ENTPD4: variants seen among roughly 807,000 people sequenced by gnomAD.
ENTPD4 encodes ectonucleoside triphosphate diphosphohydrolase 4, also known as Golgi UDPase.
A neutral mutation model predicts 79.1 loss-of-function variants in ENTPD4; 60 were observed. The ratio of observed to expected loss-of-function variants is 0.76; its 90% CI spans 0.62 to 0.94. The LOEUF (loss-of-function observed/expected upper bound fraction) is 0.94, where lower values mean the gene tolerates loss of function less well. Ranked by LOEUF, ENTPD4 falls within the 40% of genes least tolerant of loss-of-function variation. The pLI is 0.00. For missense variants in ENTPD4, 772 were observed against 775.1 expected, an observed-to-expected ratio of 1.00 and a Z score of 0.05; for synonymous variants, 276 against 292.0, an observed-to-expected ratio of 0.95 and a Z score of 0.56.
In ENTPD4 at chr8:23,452,549, C is replaced by T. The variant is rs376987884; in HGVS notation, c.-97-2552G>A. Among the ~76,000 whole-genome samples the T allele has an allele frequency of 3.0e-4, 45 of 152,286 alleles. No homozygotes were observed. The South Asian group carries it at 3.1e-3, about 11-fold the overall frequency. ...TTGAGTTCCTCAGTTGTACTAGCCA[C>T]CTTTGAAGTGCTTAATAGCCACATA... On this transcript the variant is annotated intron_variant, in intron 1 of 12. Coordinates refer to ENST00000358689, the MANE Select transcript of ENTPD4 (RefSeq NM_004901.5).
chr8:23,449,618 G>A (rs1800823910), intron 2 of ENTPD4, among the ~76,000 whole-genome samples: 2 of 152,186 alleles, frequency 1.3e-5, no homozygotes, highest in Non-Finnish European at 2.9e-5. Flanking sequence ...TGTCAAGAAT[G>A]AGAGGCTCAT....
rs2117268181 is a variant in ENTPD4 at position 23,430,439 on chromosome 8, T to C, written c.*2487A>G. 1 of 985,470 alleles carries C rather than the reference T, an allele frequency of 1.0e-6. No individual in the cohort carries two copies. The highest frequency in any genetic ancestry group is 1.7e-5 in the African/African-American group (1 of 57,376). The allele number at this position is 985,470 out of a possible 1,614,324, so 61.0% of individuals were successfully genotyped here. A position where few individuals can be genotyped will look rare whatever the true frequency, so the allele number is the denominator to read the frequency against. ...TTCGTGCCCACAAATGGAAACTACATTCCTGATTTAAGAGGATGCTTCTGT... is the reference window on the plus strand; with the variant it reads ...TTCGTGCCCACAAATGGAAACTACACTCCTGATTTAAGAGGATGCTTCTGT... On this transcript the variant is annotated 3_prime_UTR_variant, in exon 13 of 13. Coordinates refer to ENST00000358689, the MANE Select transcript of ENTPD4 (RefSeq NM_004901.5).
chr8:23,447,229 G>A (rs1800778044), intron 4 of ENTPD4, among the ~76,000 whole-genome samples: 1 of 152,112 alleles, frequency 6.6e-6, no homozygotes, highest in Admixed American at 6.5e-5. Flanking sequence ...TAAGTTCTGT[G>A]GTCACACTCA....
rs1306180097 is a variant in ENTPD4, at chr8:23,431,215, G to T, written c.*1711C>A. 1 of 516,628 alleles carries T rather than the reference G, an allele frequency of 1.9e-6. No homozygotes were observed. The highest frequency in any genetic ancestry group is 2.5e-6 in the Non-Finnish European group (1 of 402,546). 32.0% of individuals were successfully genotyped at this position (516,628 alleles called of 1,614,324 possible). On this transcript the variant is annotated 3_prime_UTR_variant, in exon 13 of 13. Coordinates refer to ENST00000358689, the MANE Select transcript of ENTPD4 (RefSeq NM_004901.5). ...TGGCAATACAGGCCTTTTCTCTCCTGTTTCTCCAAACTCTCCCAGCCTCTG... is the reference window on the plus strand; with the variant it reads ...TGGCAATACAGGCCTTTTCTCTCCTTTTTCTCCAAACTCTCCCAGCCTCTG...
chr8:23,435,316 G>C (rs1040353648), intron 11 of ENTPD4, 76 bp downstream of exon 11: 4 of 979,972 alleles, frequency 4.1e-6, no homozygotes. Flanking sequence ...CTGAGGCCAG[G>C]GTGTGGCAAG....
intron 10 of ENTPD4, among the ~76,000 whole-genome samples, chr8:23,436,133 A>G (rs1800554811): frequency 6.6e-6 from 1 of 152,212 alleles, no homozygotes; most frequent in Non-Finnish European, 1.5e-5. Flanking sequence ...CTTCAGGAAC[A>G]TGGACATGGA....
intron 1 of ENTPD4, 118 bp from the exon 2 acceptor site, chr8:23,450,115 G>C (rs1424366832): frequency 3.3e-6 from 2 of 597,862 alleles, no homozygotes; most frequent in East Asian, 5.7e-5. Context: ...TTGCACTGAA[G>C]CTGTTGGAAG....
intron 8 of ENTPD4, among the ~76,000 whole-genome samples, chr8:23,440,893 C>T (rs950412243): frequency 6.6e-6 from 1 of 152,216 alleles, no homozygotes; most frequent in African/African-American, 2.4e-5. Flanking sequence ...TGTCTAGCTC[C>T]ACGGTCTCAC....
chr8:23,435,476 T>C lies in ENTPD4; in HGVS notation c.1376A>G (p.Asp459Gly). Residue 459 changes from aspartate (D) to glycine (G), a missense_variant and splice_region_variant, in exon 11 of 13, where the codon GAT becomes GGT. Coordinates refer to ENST00000358689, the MANE Select transcript of ENTPD4 (RefSeq NM_004901.5). ...AATGGACCACTTTGTTGCACAATAA[T>C]CCTGAAAACAAATTCACCAAAATAG... is the stretch of plus-strand genomic sequence containing the variant. Reference protein sequence around the residue: ...NAAKFTKAAKDYCATKWSILR... With the variant: ...NAAKFTKAAKGYCATKWSILR... The C allele has an allele frequency of 1.9e-6, 3 of 1,612,762 alleles. No homozygotes were observed. The highest frequency in any genetic ancestry group is 2.5e-6 in the Non-Finnish European group (3 of 1,178,780).
chr8:23,442,300 C>T (rs1378305473), intron 6 of ENTPD4, among the ~76,000 whole-genome samples: 2 of 152,164 alleles, frequency 1.3e-5, no homozygotes, highest in Non-Finnish European at 2.9e-5. Flanking sequence ...ATACAATACG[C>T]TAGGTGCCAG....
chr8:23,446,007 G>GTGA (rs1491071582), intron 4 of ENTPD4, among the ~76,000 whole-genome samples: 1 of 151,796 alleles, frequency 6.6e-6, no homozygotes, highest in Non-Finnish European at 1.5e-5. Flanking sequence ...TGACTAAACT[G>GTGA]TAAGTTTTTG....
chr8:23,453,644 C>G (rs1173818339), intron 1 of ENTPD4, among the ~76,000 whole-genome samples: 1 of 152,112 alleles, frequency 6.6e-6, no homozygotes, highest in East Asian at 1.9e-4. Flanking sequence ...ACTTGGCTAA[C>G]AGGGGAAGGG....
rs140286528 is a variant in ENTPD4, at chr8:23,442,594, A to T, written c.668-528T>A. ...GCTATTCGGGAAGCTGAGGCAGGAG[A>T]ATCACTTCAACCCGGGAGGTGGAGG... On this transcript the variant is annotated intron_variant, in intron 6 of 12. Coordinates refer to ENST00000358689, the MANE Select transcript of ENTPD4 (RefSeq NM_004901.5). 4.7e-4 allele frequency among the ~76,000 whole-genome samples: 72 copies of T among 152,222 alleles called. No individual in the cohort carries two copies. The East Asian group carries it at 0.014, about 29-fold the overall frequency.
intron 11 of ENTPD4, 88 bp from the exon 12 acceptor site, chr8:23,434,566 G>C (rs73671456): frequency 0.039 from 60,740 of 1,559,426 alleles, 1,611 homozygotes; most frequent in African/African-American, 0.1. Flanking sequence ...CCTTCCCTCT[G>C]TGGGCAGCCT....
rs762584722 is a variant in ENTPD4 at position 23,441,736 on chromosome 8, G to A, written c.728-13C>T. The A allele has an allele frequency of 1.2e-6, 2 of 1,613,204 alleles. No homozygotes were observed. The highest frequency in any genetic ancestry group is 1.7e-6 in the Non-Finnish European group (2 of 1,179,722). On this transcript the variant is annotated splice_polypyrimidine_tract_variant and intron_variant, in intron 7 of 12. Transcript: ENST00000358689. The stretch of plus-strand genomic sequence containing the variant: ...ACGGCCTCATCATCTAGAAAGAACA[G>A]AAAGTGTTCACTGGAACAGAACTAA...
intron 1 of ENTPD4, among the ~76,000 whole-genome samples, chr8:23,452,929 C>G (rs1800890746): frequency 6.6e-6 from 1 of 152,198 alleles, no homozygotes; most frequent in Non-Finnish European, 1.5e-5. Flanking sequence ...TTCCTCATTA[C>G]ATGACAAGCC....
intron 1 of ENTPD4, among the ~76,000 whole-genome samples, chr8:23,455,970 G>A (rs1031205417): frequency 1.3e-5 from 2 of 152,058 alleles, no homozygotes; most frequent in South Asian, 4.2e-4. Context: ...ACCACAGCAG[G>A]CACCACTACC....
chr8:23,436,578 A>G (rs530861723), intron 10 of ENTPD4, among the ~76,000 whole-genome samples: 1 of 152,276 alleles, frequency 6.6e-6, no homozygotes, highest in South Asian at 2.1e-4. Context: ...GGGTGTCAGG[A>G]AGGCAGAGAG....
At chr8:23,444,101 C>T (rs1030722541) in intron 5 of ENTPD4, 148 bp from the exon 6 acceptor site, 4 of 551,950 alleles carry the variant, frequency 7.2e-6, no homozygotes, top group African/African-American at 5.8e-5. Context: ...AAAAGAAATT[C>T]GTTGGAAAGA....
Sources: gnomAD v4.1 joint callset for allele counts (sites outside exome capture counted in the v4.1 genomes callset) on GRCh38, gnomAD v4.1.1 for gene constraint, MANE v1.5 for transcripts, NCBI Gene and HGNC (gene_info 2026-07-23, HGNC 2026-07-21) for gene names.